TMEM117: variants seen among roughly 807,000 people sequenced by gnomAD.
TMEM117 encodes transmembrane protein 117.
Under a neutral mutation model 52.4 loss-of-function variants are expected in TMEM117, and 27 were observed. That is an observed-to-expected ratio of 0.51 (90% CI 0.38 to 0.71). TMEM117 has a LOEUF of 0.71. Among genes scored for constraint, TMEM117 ranks in the 30% least tolerant of loss-of-function variants. The pLI is 0.00. For synonymous variants in TMEM117, 215 were observed against 206.3 expected (o/e 1.04, Z -0.36); for missense variants, 556 against 630.5 (o/e 0.88, Z 1.26).
the TMEM117 span, among the ~76,000 whole-genome samples, chr12:43,829,475 C>A: frequency 1.3e-5 from 2 of 152,220 alleles, no homozygotes; most frequent in African/African-American, 4.8e-5. Flanking sequence ...TGGTACTTTA[C>A]ATGAAGTCAA....
rs200433496 is a variant in TMEM117, at chr12:43,958,803, G to T, written c.410+14461G>T. On this transcript the variant is annotated intron_variant, in intron 3 of 7. Transcript: ENST00000266534. ...TGTAAAATGCATGGTTTCTTTTTTT[G>T]TTAGTTTGTTTGTTTGTTTTTGAGA... Among the ~76,000 whole-genome samples, 169 of 80,472 alleles carry T rather than the reference G, an allele frequency of 2.1e-3. 1 individual carries two copies. The highest frequency in any genetic ancestry group is 3.9e-3 in the Non-Finnish European group (124 of 31,570). 52.8% of individuals were successfully genotyped at this position (80,472 alleles called of 152,430 possible).
intron 3 of TMEM117, among the ~76,000 whole-genome samples, chr12:44,058,313 C>T (rs1453348236): frequency 6.6e-6 from 1 of 152,014 alleles, no homozygotes. Context: ...AAGTCTGAAA[C>T]CTGTATTTTC....
intron 4 of TMEM117, among the ~76,000 whole-genome samples, chr12:44,173,067 C>T (rs1949070576): frequency 6.6e-6 from 1 of 151,798 alleles, no homozygotes; most frequent in Admixed American, 6.6e-5. Context: ...TTTAAAGTAG[C>T]TTGTTTTTGT....
At chr12:44,108,010 C>T (rs1054886252) in intron 3 of TMEM117, among the ~76,000 whole-genome samples, 1 of 151,998 alleles carries the variant, frequency 6.6e-6, no homozygotes, top group South Asian at 2.1e-4. Context: ...TCATCTGTAA[C>T]TTTGTTTGCT....
At chr12:44,102,664 A>G (rs1287241246) in intron 3 of TMEM117, among the ~76,000 whole-genome samples, 3 of 151,878 alleles carry the variant, frequency 2.0e-5, no homozygotes, top group African/African-American at 7.3e-5. Flanking sequence ...TCCAAACACC[A>G]CTATTCTACC....
intron 4 of TMEM117, among the ~76,000 whole-genome samples, chr12:44,165,068 C>T (rs1215439669): frequency 2.0e-5 from 3 of 152,090 alleles, no homozygotes; most frequent in Non-Finnish European, 4.4e-5. Context: ...TGTCACTACC[C>T]CCCTGCCACC....
rs191803922 is a variant in TMEM117 at position 44,299,714 on chromosome 12, T to C, written c.743T>C (p.Val248Ala). The change falls in exon 6 of 8, where the codon GTC (valine) becomes GCC (alanine). Residue 248 changes from valine (V) to alanine (A), a missense_variant. Val to Ala is a moderately conservative substitution (Grantham distance 64). This residue lies in a region of TMEM117 where 328 missense variants were observed against 371.4 expected (regional missense o/e 0.88). Coordinates refer to ENST00000266534, the MANE Select transcript of TMEM117 (RefSeq NM_032256.3). ...SRAFLASFIL[V>A]FDLLIVMQDW... is the part of the protein sequence containing the mutation. ...GCATTCCTTGCTTCTTTTATCTTGG[T>C]CTTTGACCTTCTTATTGTGATGCAG... 24 of 1,614,176 alleles carry C rather than the reference T, an allele frequency of 1.5e-5. No individual in the cohort carries two copies. The Admixed American group carries it at 3.8e-4, about 26-fold the overall frequency.
At chr12:43,806,360 C>T in the TMEM117 span, 2,856 of 1,244,618 alleles carry the variant, frequency 2.3e-3, 56 homozygotes, top group African/African-American at 0.041. Flanking sequence ...GCCCGCGACC[C>T]GCGGCCGCCC....
At chr12:44,343,101 AT>A (rs898296494) in intron 6 of TMEM117, among the ~76,000 whole-genome samples, 1 of 149,798 alleles carries the variant, frequency 6.7e-6, no homozygotes, top group South Asian at 2.1e-4. Context: ...ATGCCCAGCT[AT>A]TTTTTTTTAT....
intron 4 of TMEM117, among the ~76,000 whole-genome samples, chr12:44,197,320 C>T (rs1277751118): frequency 6.6e-6 from 1 of 151,984 alleles, no homozygotes; most frequent in African/African-American, 2.4e-5. Flanking sequence ...TTTTCAGAGC[C>T]GTTATATTAT....
intron 3 of TMEM117, among the ~76,000 whole-genome samples, chr12:43,990,790 C>T (rs73085780): frequency 0.04 from 6,145 of 152,114 alleles, 203 homozygotes; most frequent in African/African-American, 0.09. Context: ...CCAAAGTCCC[C>T]GAGCATGTTA....
chr12:44,121,366 T>C (rs1199714443), intron 3 of TMEM117, among the ~76,000 whole-genome samples: 1 of 152,208 alleles, frequency 6.6e-6, no homozygotes, highest in Non-Finnish European at 1.5e-5. Context: ...AATCCTCTTA[T>C]GCAAACTTTA....
the TMEM117 span, chr12:43,800,572 A>G: frequency 9.5e-6 from 14 of 1,477,498 alleles, no homozygotes; most frequent in Admixed American, 5.2e-5. Context: ...AGATGAAAAC[A>G]TAACATTACA....
chr12:43,880,281 C>G (rs1409408192), intron 2 of TMEM117, among the ~76,000 whole-genome samples: 1 of 152,072 alleles, frequency 6.6e-6, no homozygotes, highest in Non-Finnish European at 1.5e-5. Context: ...TATTACTTTT[C>G]ATAACTACTT....
chr12:44,000,202 G>C (rs1230971968), intron 3 of TMEM117, among the ~76,000 whole-genome samples: 1 of 152,192 alleles, frequency 6.6e-6, no homozygotes, highest in Admixed American at 6.5e-5. Flanking sequence ...GTAAGTTCAG[G>C]GAAGGAGAAA....
At chr12:44,032,992 C>G (rs1377433902) in intron 3 of TMEM117, among the ~76,000 whole-genome samples, 3 of 152,172 alleles carry the variant, frequency 2.0e-5, no homozygotes, top group Admixed American at 2.0e-4. Context: ...GGGCTGCATT[C>G]TCAAATGGTT....
chr12:43,861,959 G>C (rs1943497448), intron 2 of TMEM117, among the ~76,000 whole-genome samples: 1 of 152,156 alleles, frequency 6.6e-6, no homozygotes, highest in Non-Finnish European at 1.5e-5. Flanking sequence ...GTTATGGCTG[G>C]TTAGGTCAGA....
intron 4 of TMEM117, among the ~76,000 whole-genome samples, chr12:44,185,583 T>C (rs1046222814): frequency 6.6e-6 from 1 of 152,186 alleles, no homozygotes; most frequent in African/African-American, 2.4e-5. Context: ...CTCCTATTTA[T>C]GGTTGTGAAT....
chr12:43,846,354 TATA>T lies in TMEM117; in HGVS notation c.277+1430_277+1432del, dbSNP rs529660528. Among the ~76,000 whole-genome samples, 224 of 152,340 alleles carry T rather than the reference TATA, an allele frequency of 1.5e-3. 1 individual carries two copies. Among genetic ancestry groups the T allele is most frequent in the Non-Finnish European group, 1.9e-3 (130 of 68,014 alleles). Reference sequence around the variant, plus strand: ...CTGTTATGATGCGTTTGTCTCTCTCTATAATATCTGCTTTATTCTCCTTTTACA... The same window carrying T: ...CTGTTATGATGCGTTTGTCTCTCTCTATATCTGCTTTATTCTCCTTTTACA... On this transcript the variant is annotated intron_variant, in intron 2 of 7. Coordinates refer to ENST00000266534, the MANE Select transcript of TMEM117 (RefSeq NM_032256.3).
Sources: gnomAD v4.1 joint callset for allele counts (sites outside exome capture counted in the v4.1 genomes callset) on GRCh38, gnomAD v4.1.1 for gene constraint, gnomAD v4.1.1 regional missense constraint, MANE v1.5 for transcripts, NCBI Gene and HGNC (gene_info 2026-07-23, HGNC 2026-07-21) for gene names.